The following TMC1 variants were observed in gnomAD, a reference collection of about 807,000 sequenced individuals.
TMC1 encodes the protein transmembrane channel-like protein 1.
TMC1 carries 84 observed loss-of-function variants against 105.8 expected under a neutral mutation model. The ratio of observed to expected loss-of-function variants is 0.79; its 90% confidence interval spans 0.67 to 0.95. The LOEUF is 0.95. Ranked by LOEUF, TMC1 falls within the 40% of genes least tolerant of loss-of-function variation. The probability of loss-of-function intolerance (pLI) is 0.00; values close to 1 mark genes in which losing one functional copy is unlikely to be tolerated. For synonymous variants in TMC1, 315 were observed against 311.5 expected, an observed-to-expected ratio of 1.01 and a Z score of -0.12; for missense variants, 817 against 914.1, an observed-to-expected ratio of 0.89 and a Z score of 1.37.
chr9:72,720,144 A>G (rs1264949392), intron 8 of TMC1, among the ~76,000 whole-genome samples: 2 of 152,168 alleles, frequency 1.3e-5, no homozygotes, highest in Admixed American at 6.5e-5. Context: ...GACTTTACAT[A>G]TAAGGAAACT....
At chr9:72,736,953 A>C (rs554425280) in intron 8 of TMC1, among the ~76,000 whole-genome samples, 1 of 152,356 alleles carries the variant, frequency 6.6e-6, no homozygotes, top group African/African-American at 2.4e-5. Flanking sequence ...TTAATGGTTA[A>C]GAAATTTACA....
chr9:72,833,687 G>A (rs967903052), intron 23 of TMC1, among the ~76,000 whole-genome samples: 1 of 139,874 alleles, frequency 7.1e-6, no homozygotes, highest in Non-Finnish European at 1.6e-5. Context: ...TGATAGTTTG[G>A]GGGTCAAAAA....
Position 72,718,462 on chromosome 9 carries a change from T to C in TMC1, c.362+17819T>C, listed in dbSNP as rs1011376792. Among the ~76,000 whole-genome samples, 5 of 152,104 alleles carry C rather than the reference T, an allele frequency of 3.3e-5. No homozygotes were observed. In the South Asian group the frequency reaches 1.0e-3, roughly 31 times the overall value. ...CTTCCTGAGAGCCAAACTGTAGTGA[T>C]TGTTATTTGTCTTTTGGATCTAGCC... On this transcript the variant is annotated intron_variant, in intron 8 of 23. Transcript: ENST00000297784.
chr9:72,571,613 ATT>A (rs565449337), intron 1 of TMC1, among the ~76,000 whole-genome samples: 1 of 151,226 alleles, frequency 6.6e-6, no homozygotes, highest in East Asian at 2.0e-4. Flanking sequence ...TGCCCAGCTA[ATT>A]TTTTGTATTT....
chr9:72,817,637 T>C (rs1828807830), intron 19 of TMC1, among the ~76,000 whole-genome samples: 1 of 152,226 alleles, frequency 6.6e-6, no homozygotes, highest in African/African-American at 2.4e-5. Context: ...ACGTCGATTG[T>C]GTTCTTTCAG....
chr9:72,816,068 G>A (rs769157210), intron 18 of TMC1, 75 bp from the exon 19 acceptor site: 88 of 1,304,622 alleles, frequency 6.7e-5, no homozygotes, highest in Non-Finnish European at 9.5e-5. Flanking sequence ...CCCTAGCCAT[G>A]CCTATGCAGA....
At chr9:72,522,435 A>G (rs904579342) in intron 1 of TMC1, among the ~76,000 whole-genome samples, 1 of 152,174 alleles carries the variant, frequency 6.6e-6, no homozygotes, top group Admixed American at 6.5e-5. Context: ...ATTAAATGCA[A>G]TGATTTCCTA....
Position 72,637,191 on chromosome 9 carries a change from G to T in TMC1, c.-53+9128G>T, listed in dbSNP as rs143061251. On this transcript the variant is annotated intron_variant, in intron 4 of 23. Transcript: ENST00000297784. ...CAATGTGTTTATTTTTGAAAGGTCA[G>T]AAATTTCATAGGGCCAGATTACTAA... Among the ~76,000 whole-genome samples, 22 of 151,702 alleles carry T rather than the reference G, an allele frequency of 1.5e-4. No individual in the cohort carries two copies. The East Asian group carries it at 4.1e-3, about 28-fold the overall frequency.
chr9:72,806,572 T>G, intron 18 of TMC1, among the ~76,000 whole-genome samples: 1 of 145,914 alleles, frequency 6.9e-6, no homozygotes, highest in East Asian at 2.1e-4. Flanking sequence ...GAGGGTCTCC[T>G]CACTTCTCAG....
At chr9:72,806,752 C>T (rs891203387) in intron 18 of TMC1, among the ~76,000 whole-genome samples, 145 of 150,702 alleles carry the variant, frequency 9.6e-4, no homozygotes, top group Non-Finnish European at 1.7e-3. Context: ...GGATGGCGGC[C>T]GGGCGGAGAC....
chr9:72,794,869 A>T (rs1361245728), intron 17 of TMC1, among the ~76,000 whole-genome samples: 1 of 152,238 alleles, frequency 6.6e-6, no homozygotes, highest in Non-Finnish European at 1.5e-5. Context: ...ATCCAAGGAA[A>T]ATAAGAATCA....
chr9:72,539,848 T>C (rs912638560), intron 1 of TMC1, among the ~76,000 whole-genome samples: 2 of 152,160 alleles, frequency 1.3e-5, no homozygotes, highest in Non-Finnish European at 2.9e-5. Flanking sequence ...GGATGGGTCA[T>C]TTACAAAGAA....
rs574680739 is a variant in TMC1, at chr9:72,685,418, C to A, written c.17-3291C>A. Reference sequence around the variant, plus strand: ...TTATTCTGTGGCCCAGGCTGGAGAGCAGTGGCACAATCTCGGCTCACTGCA... The same window carrying A: ...TTATTCTGTGGCCCAGGCTGGAGAGAAGTGGCACAATCTCGGCTCACTGCA... On this transcript the variant is annotated intron_variant, in intron 5 of 23. Coordinates refer to ENST00000297784, the MANE Select transcript of TMC1 (RefSeq NM_138691.3). Among the ~76,000 whole-genome samples the A allele has an allele frequency of 6.8e-5, 10 of 146,716 alleles. No homozygotes were observed. The South Asian group carries it at 1.9e-3, about 28-fold the overall frequency.
At chr9:72,569,265 A>G (rs1042905818) in intron 1 of TMC1, among the ~76,000 whole-genome samples, 1 of 152,202 alleles carries the variant, frequency 6.6e-6, no homozygotes, top group Non-Finnish European at 1.5e-5. Context: ...AATGAGAGGA[A>G]AAAAAGTCTG....
intron 3 of TMC1, among the ~76,000 whole-genome samples, chr9:72,624,874 AC>A (rs1365829942): frequency 6.6e-6 from 1 of 152,248 alleles, no homozygotes; most frequent in Non-Finnish European, 1.5e-5. Flanking sequence ...AGTGAGGATG[AC>A]CTGGATTTTC....
chr9:72,563,264 A>C (rs941392193), intron 1 of TMC1, among the ~76,000 whole-genome samples: 1 of 152,148 alleles, frequency 6.6e-6, no homozygotes, highest in Non-Finnish European at 1.5e-5. Flanking sequence ...CAGATGAAAA[A>C]TTTTGCCATA....
chr9:72,836,197 C>CCTG lies in TMC1; in HGVS notation c.*224_*225insCTG. The stretch of plus-strand genomic sequence containing the variant: ...CAGAAACTGTTTCTGCAGAGCCACT[C>CCTG]TCTCCCCTGCTCCATTTCGTGACTT... On this transcript the variant is annotated 3_prime_UTR_variant, in exon 24 of 24. Coordinates refer to ENST00000297784, the MANE Select transcript of TMC1 (RefSeq NM_138691.3). 1 of 600,532 alleles carries CCTG rather than the reference C, an allele frequency of 1.7e-6. No individual in the cohort carries two copies. Among genetic ancestry groups the CCTG allele is most frequent in the Non-Finnish European group, 3.0e-6 (1 of 336,474 alleles). 37.2% of individuals were successfully genotyped at this position (600,532 alleles called of 1,614,324 possible). A position where few individuals can be genotyped will look rare whatever the true frequency, so the allele number is the denominator to read the frequency against.
chr9:72,699,956 C>CA (rs61062887), intron 7 of TMC1, among the ~76,000 whole-genome samples: 1,948 of 45,178 alleles, frequency 0.043, 126 homozygotes, highest in African/African-American at 0.076. Context: ...GACTCTGTCT[C>CA]AAAAAAAAAA....
intron 13 of TMC1, among the ~76,000 whole-genome samples, chr9:72,778,987 G>C (rs1262014270): frequency 6.6e-6 from 1 of 152,200 alleles, no homozygotes; most frequent in Non-Finnish European, 1.5e-5. Context: ...CAACACATGA[G>C]CACAGACCCC....
Sources: allele counts gnomAD v4.1 joint callset (sites outside exome capture counted in the v4.1 genomes callset), GRCh38; gene constraint gnomAD v4.1.1; transcripts MANE v1.5; gene names NCBI Gene and HGNC (gene_info 2026-07-23, HGNC 2026-07-21).